Variants in ERN1 observed in about 807,000 individuals in gnomAD.
ERN1 encodes serine/threonine-protein kinase/endoribonuclease IRE1.
Under a neutral mutation model 113.1 loss-of-function variants are expected in ERN1, and 39 were observed. That is an observed-to-expected ratio of 0.34 (90% CI 0.27 to 0.45). The LOEUF is 0.45. ERN1 is among the 20% of genes least tolerant of loss of function. The pLI, the probability that ERN1 is intolerant of heterozygous loss-of-function variation, is 1.00. For synonymous variants in ERN1, 507 were observed against 515.9 expected (o/e 0.98, Z 0.23); for missense variants, 976 against 1,274.8 (o/e 0.77, Z 3.57).
chr17:64,127,676 C>T (rs1203562627), intron 1 of ERN1, among the ~76,000 whole-genome samples: 2 of 151,758 alleles, frequency 1.3e-5, no homozygotes, highest in African/African-American at 4.8e-5. Flanking sequence ...ATCGCTTGAA[C>T]CCGGGAGGCG....
chr17:64,090,167 G>C (rs990615883), intron 2 of ERN1, among the ~76,000 whole-genome samples: 2 of 151,878 alleles, frequency 1.3e-5, no homozygotes, highest in Non-Finnish European at 2.9e-5. Context: ...GCTTTCATGA[G>C]GAAAGCATTT....
At chr17:64,083,746 C>T (rs760093315) in intron 2 of ERN1, among the ~76,000 whole-genome samples, 26 of 152,156 alleles carry the variant, frequency 1.7e-4, no homozygotes, top group Non-Finnish European at 2.8e-4. Context: ...CGGCCCCCAT[C>T]GTGTGTCCAG....
At chr17:64,067,170 A>G (rs759806131) in intron 7 of ERN1, among the ~76,000 whole-genome samples, 3 of 152,136 alleles carry the variant, frequency 2.0e-5, no homozygotes, top group African/African-American at 7.2e-5. Context: ...CCCAAAGGCA[A>G]TTTATTTGGT....
At chr17:64,045,326 AACCTGCCCTCTC>A in intron 20 of ERN1, 21 bp downstream of exon 20, 1 of 1,613,004 alleles carries the variant, frequency 6.2e-7, no homozygotes, top group Non-Finnish European at 8.5e-7. Flanking sequence ...CGACTTTTGC[AACCTGCCCTCTC>A]ACACGCTGCA....
intron 6 of ERN1, among the ~76,000 whole-genome samples, chr17:64,069,307 T>C (rs193267300): frequency 5.3e-5 from 8 of 152,122 alleles, no homozygotes; most frequent in Middle Eastern, 3.4e-3. Context: ...ATTTGACACA[T>C]GGGAAGCCCA....
intron 1 of ERN1, among the ~76,000 whole-genome samples, chr17:64,108,765 G>C (rs762692305): frequency 6.6e-6 from 1 of 152,080 alleles, no homozygotes; most frequent in Non-Finnish European, 1.5e-5. Context: ...TGCACCATTG[G>C]CCTTACAAAA....
chr17:64,118,078 C>T (rs1185344828), intron 1 of ERN1, among the ~76,000 whole-genome samples: 1 of 152,188 alleles, frequency 6.6e-6, no homozygotes, highest in Non-Finnish European at 1.5e-5. Flanking sequence ...TCTTCTACCT[C>T]CCCGTATGAG....
At chr17:64,119,376 G>GTTGGTTTTTTTTTTTTTTTTTTT (rs777806993) in intron 1 of ERN1, among the ~76,000 whole-genome samples, 1 of 77,896 alleles carries the variant, frequency 1.3e-5, no homozygotes, top group African/African-American at 5.6e-5. Flanking sequence ...TTTTTTCTAG[G>GTTGGTTTTTTTTTTTTTTTTTTT]TTTTTTTTTT....
At chr17:64,125,008 A>G (rs1489072377) in intron 1 of ERN1, among the ~76,000 whole-genome samples, 1 of 152,186 alleles carries the variant, frequency 6.6e-6, no homozygotes, top group Non-Finnish European at 1.5e-5. Flanking sequence ...AATAGGTATG[A>G]AGTTTATTTC....
intron 1 of ERN1, among the ~76,000 whole-genome samples, chr17:64,119,349 T>G (rs1367801568): frequency 6.7e-6 from 1 of 149,430 alleles, no homozygotes; most frequent in African/African-American, 2.5e-5. Flanking sequence ...GTAGAGAAAA[T>G]GTAATATTAG....
At chr17:64,125,027 T>C (rs546881653) in intron 1 of ERN1, among the ~76,000 whole-genome samples, 7 of 152,310 alleles carry the variant, frequency 4.6e-5, no homozygotes, top group African/African-American at 1.7e-4. Context: ...TCTGGGATGA[T>C]GAAAATGTTC....
Position 64,129,999 on chromosome 17 carries a change from TCAGCAG to T in ERN1, c.25_30del (p.Leu9_Leu10del). On this transcript the variant is annotated inframe_deletion, in exon 1 of 22. Coordinates refer to ENST00000433197, the MANE Select transcript of ERN1 (RefSeq NM_001433.5). ...ACCCCGAGGCCGGGCAGCAGCAGCG[TCAGCAG>T]CAGCAGCAGCCGCCGGGCCGGCATG... 2.1e-6 allele frequency: 3 copies of T among 1,446,784 alleles called. No individual in the cohort carries two copies. The highest frequency in any genetic ancestry group is 1.5e-5 in the African/African-American group (1 of 67,742). 89.6% of individuals were successfully genotyped at this position (1,446,784 alleles called of 1,614,324 possible). A position where few individuals can be genotyped will look rare whatever the true frequency, so the allele number is the denominator to read the frequency against.
intron 1 of ERN1, among the ~76,000 whole-genome samples, chr17:64,117,740 TG>T (rs1490884081): frequency 6.6e-6 from 1 of 152,184 alleles, no homozygotes; most frequent in Non-Finnish European, 1.5e-5. Flanking sequence ...CGAGAGCCGA[TG>T]AAACCACACC....
chr17:64,107,138 C>T (rs1371512317), intron 1 of ERN1, among the ~76,000 whole-genome samples: 1 of 152,118 alleles, frequency 6.6e-6, no homozygotes, highest in East Asian at 1.9e-4. Flanking sequence ...AGCAGTAGAA[C>T]ACTGAAATCA....
At position 64,058,071 on chromosome 17, in the gene ERN1, A is replaced by G. The variant is rs1912935244; in HGVS notation, c.1207-78T>C. On this transcript the variant is annotated intron_variant, in intron 11 of 21. Transcript: ENST00000433197. ...ATGAGGCCAGCAATCAAGAGAAGCA[A>G]TCACTGTTTACAAGGATATGACTGT... 5 of 1,135,820 alleles carry G rather than the reference A, an allele frequency of 4.4e-6. No homozygotes were observed. In the South Asian group the frequency reaches 6.4e-5, roughly 15 times the overall value. The allele number at this position is 1,135,820 out of a possible 1,614,324, so 70.4% of individuals were successfully genotyped here.
intron 1 of ERN1, among the ~76,000 whole-genome samples, chr17:64,103,262 C>T (rs937712622): frequency 5.3e-5 from 8 of 151,972 alleles, no homozygotes; most frequent in African/African-American, 9.7e-5. Flanking sequence ...TTTGGGAGGC[C>T]GAGGTGGGCG....
rs1014169659 is a variant in ERN1, at chr17:64,098,199, A to G, written c.97T>C (p.Leu33=). 6.2e-7 allele frequency: 1 copy of G among 1,613,962 alleles called. No homozygotes were observed. The highest frequency in any genetic ancestry group is 1.7e-5 in the Admixed American group (1 of 60,014). The change falls in exon 2 of 22, where the codon TTG becomes CTG. Residue 33 remains leucine, a synonymous_variant. Transcript: ENST00000433197. ...CTTCCATCCAGCGTTGACACAAACAACAAGGTTTCAGGAAGCGTCACTGTG... is the reference window on the plus strand; with the variant it reads ...CTTCCATCCAGCGTTGACACAAACAGCAAGGTTTCAGGAAGCGTCACTGTG... ...TSTVTLPETL[L]FVSTLDGSLH... is the part of the protein sequence containing the mutation.
intron 19 of ERN1, 71 bp downstream of exon 19, chr17:64,047,787 C>A: frequency 1.4e-6 from 2 of 1,398,396 alleles, no homozygotes; most frequent in South Asian, 1.5e-5. Context: ...TATTCTTTGT[C>A]CTTTTCTGTA....
intron 4 of ERN1, among the ~76,000 whole-genome samples, chr17:64,076,714 C>T (rs554667808): frequency 1.5e-4 from 23 of 152,158 alleles, no homozygotes; most frequent in Non-Finnish European, 2.8e-4. Flanking sequence ...ATTCTCCTGC[C>T]TCAGCCTCCC....
Sources: gnomAD v4.1 joint callset for allele counts (sites outside exome capture counted in the v4.1 genomes callset) on GRCh38, gnomAD v4.1.1 for gene constraint, MANE v1.5 for transcripts, NCBI Gene and HGNC (gene_info 2026-07-23, HGNC 2026-07-21) for gene names.